The following PSMA8 variants were observed in gnomAD, a reference collection of about 807,000 sequenced individuals.
PSMA8 encodes proteasome 20S subunit alpha 8, also known as proteasome subunit alpha-type 8.
In PSMA8, 18 loss-of-function variants were observed where a neutral mutation model predicts 32.4. That is an observed-to-expected ratio of 0.56 (90% CI 0.38 to 0.82). PSMA8 has a LOEUF of 0.82. Among genes scored for constraint, PSMA8 ranks in the 40% least tolerant of loss-of-function variants. The probability of loss-of-function intolerance (pLI) is 0.00; values close to 1 mark genes in which losing one functional copy is unlikely to be tolerated. For synonymous variants in PSMA8, 104 were observed against 98.1 expected, an observed-to-expected ratio of 1.06 and a Z score of -0.36; for missense variants, 298 against 300.7, an observed-to-expected ratio of 0.99 and a Z score of 0.07.
chr18:26,182,384 G>A (rs940596893), intron 6 of PSMA8, among the ~76,000 whole-genome samples: 2 of 152,194 alleles, frequency 1.3e-5, no homozygotes, highest in African/African-American at 4.8e-5. Flanking sequence ...CTTGTTAGGG[G>A]ATAATGCAGC....
intron 6 of PSMA8, among the ~76,000 whole-genome samples, chr18:26,184,428 A>G (rs2055336332): frequency 6.6e-6 from 1 of 150,436 alleles, no homozygotes; most frequent in Non-Finnish European, 1.5e-5. Context: ...AATACTAAGC[A>G]CTCTTTCTCC....
chr18:26,144,459 C>A, intron 1 of PSMA8, 100 bp from the exon 2 acceptor site: 1 of 982,490 alleles, frequency 1.0e-6, no homozygotes, highest in Non-Finnish European at 1.5e-6. Flanking sequence ...TTATTGAATA[C>A]TTAAGGAGAA....
chr18:26,141,125 T>C (rs1036030412), intron 1 of PSMA8, among the ~76,000 whole-genome samples: 16 of 152,164 alleles, frequency 1.1e-4, no homozygotes, highest in African/African-American at 3.1e-4. Flanking sequence ...TATTTATCAG[T>C]TTTGTTGTTT....
intron 3 of PSMA8, 149 bp downstream of exon 3, chr18:26,152,131 T>C: frequency 4.1e-6 from 2 of 491,650 alleles, no homozygotes; most frequent in East Asian, 3.6e-5. Context: ...TATTCATATT[T>C]TTATTCCAGT....
chr18:26,175,085 T>C (rs1040055002), intron 4 of PSMA8, among the ~76,000 whole-genome samples: 1 of 152,244 alleles, frequency 6.6e-6, no homozygotes, highest in Non-Finnish European at 1.5e-5. Flanking sequence ...CTTCTGTTGT[T>C]TATACTTCAA....
At chr18:26,158,079 G>A in intron 3 of PSMA8, 43 bp from the exon 4 acceptor site, 2 of 1,363,372 alleles carry the variant, frequency 1.5e-6, no homozygotes. Flanking sequence ...TTTTTATTTT[G>A]TAACTAATAG....
At chr18:26,152,827 A>G (rs545091271) in intron 3 of PSMA8, among the ~76,000 whole-genome samples, 1 of 152,252 alleles carries the variant, frequency 6.6e-6, no homozygotes, top group East Asian at 1.9e-4. Flanking sequence ...AAAGGGCTCA[A>G]TCTCTTGCTC....
intron 4 of PSMA8, among the ~76,000 whole-genome samples, chr18:26,159,106 A>G (rs1309288970): frequency 1.3e-5 from 2 of 152,170 alleles, no homozygotes; most frequent in African/African-American, 4.8e-5. Context: ...AGAATCCAAT[A>G]TAACTGATTT....
intron 4 of PSMA8, among the ~76,000 whole-genome samples, chr18:26,175,024 T>G (rs2055252825): frequency 6.6e-6 from 1 of 152,248 alleles, no homozygotes; most frequent in South Asian, 2.1e-4. Context: ...TAAAAGCTGT[T>G]TAATATAATC....
chr18:26,134,106 AC>A, intron 1 of PSMA8, 39 bp downstream of exon 1: 1 of 1,495,948 alleles, frequency 6.7e-7, no homozygotes. Flanking sequence ...CCCCGCTCTG[AC>A]CTGTCAGGCC....
At chr18:26,169,967 A>T (rs1346860675) in intron 4 of PSMA8, among the ~76,000 whole-genome samples, 1 of 98,284 alleles carries the variant, frequency 1.0e-5, no homozygotes, top group Non-Finnish European at 1.7e-5. Context: ...GAGCAGCTGG[A>T]CTATGTTCCG....
intron 6 of PSMA8, among the ~76,000 whole-genome samples, chr18:26,185,087 CAAAAAAAAAAAA>C (rs772421124): frequency 1.8e-5 from 1 of 55,468 alleles, no homozygotes; most frequent in East Asian, 5.1e-4. Flanking sequence ...AACTCCATCT[CAAAAAAAAAAAA>C]AAAAAAAAAG....
At chr18:26,178,991 T>A in intron 5 of PSMA8, 42 bp downstream of exon 5, 1 of 1,605,582 alleles carries the variant, frequency 6.2e-7, no homozygotes. Context: ...TCATGAATTT[T>A]TTTTCCTCAT....
At chr18:26,164,043 C>T (rs1290327345) in intron 4 of PSMA8, among the ~76,000 whole-genome samples, 1 of 152,140 alleles carries the variant, frequency 6.6e-6, no homozygotes, top group African/African-American at 2.4e-5. Flanking sequence ...TCAGTTCCAT[C>T]AAGTAAAAAG....
At chr18:26,155,724 T>C (rs532911681) in intron 3 of PSMA8, among the ~76,000 whole-genome samples, 1 of 152,284 alleles carries the variant, frequency 6.6e-6, no homozygotes, top group East Asian at 1.9e-4. Context: ...AGGAAATGCT[T>C]TAGGACCTTG....
intron 6 of PSMA8, among the ~76,000 whole-genome samples, chr18:26,189,607 CCAGTTAAAATGGCTTATATCTAAT>C (rs2055385527): frequency 6.6e-6 from 1 of 152,064 alleles, no homozygotes; most frequent in Non-Finnish European, 1.5e-5. Context: ...TCATCTCACC[CCAGTTAAAATGGCTTATATCTAAT>C]AGACAAGCTA....
chr18:26,175,931 A>G (rs2055260386), intron 4 of PSMA8, among the ~76,000 whole-genome samples: 1 of 152,136 alleles, frequency 6.6e-6, no homozygotes, highest in Non-Finnish European at 1.5e-5. Context: ...GTGTATACCT[A>G]TTTGTAAGAG....
chr18:26,142,714 G>A (rs1190408680), intron 1 of PSMA8, among the ~76,000 whole-genome samples: 1 of 152,152 alleles, frequency 6.6e-6, no homozygotes, highest in Non-Finnish European at 1.5e-5. Context: ...TCAGTGTCTG[G>A]AGAGTACCCA....
intron 4 of PSMA8, among the ~76,000 whole-genome samples, chr18:26,163,540 C>T (rs2055155684): frequency 6.6e-6 from 1 of 151,946 alleles, no homozygotes; most frequent in Non-Finnish European, 1.5e-5. Context: ...ATCTATAATC[C>T]AAAAATTAGA....
Sources: allele counts gnomAD v4.1 joint callset (sites outside exome capture counted in the v4.1 genomes callset), GRCh38; gene constraint gnomAD v4.1.1; transcripts MANE v1.5; gene names NCBI Gene and HGNC (gene_info 2026-07-23, HGNC 2026-07-21).